HS3ST4: variants seen among roughly 807,000 people sequenced by gnomAD.
HS3ST4 encodes heparan sulfate glucosamine 3-O-sulfotransferase 4.
Under a neutral mutation model 29.2 loss-of-function variants are expected in HS3ST4, and 17 were observed. The ratio of observed to expected loss-of-function variants is 0.58; its 90% CI spans 0.40 to 0.87. HS3ST4 has a LOEUF of 0.87. Ranked by LOEUF, HS3ST4 falls within the 40% of genes least tolerant of loss-of-function variation. The pLI is 0.00. For synonymous variants in HS3ST4, 314 were observed against 285.7 expected, an observed-to-expected ratio of 1.10 and a Z score of -1.00; for missense variants, 627 against 634.5, an observed-to-expected ratio of 0.99 and a Z score of 0.13.
chr16:25,724,787 C>T (rs1043687509), intron 1 of HS3ST4, among the ~76,000 whole-genome samples: 7 of 152,098 alleles, frequency 4.6e-5, no homozygotes, highest in South Asian at 2.1e-4. Flanking sequence ...CTGGCAACTT[C>T]GTTAACTCGT....
chr16:25,961,689 A>G (rs892446933), intron 1 of HS3ST4, among the ~76,000 whole-genome samples: 4 of 152,200 alleles, frequency 2.6e-5, no homozygotes, highest in Admixed American at 6.5e-5. Flanking sequence ...GCATTATTTT[A>G]TTCAAATATC....
At chr16:25,913,062 C>T (rs1030284514) in intron 1 of HS3ST4, among the ~76,000 whole-genome samples, 10 of 152,284 alleles carry the variant, frequency 6.6e-5, no homozygotes, top group African/African-American at 1.9e-4. Flanking sequence ...CGACAACTTG[C>T]GCTGTTTACG....
chr16:25,911,496 G>GGT (rs1968238545), intron 1 of HS3ST4, among the ~76,000 whole-genome samples: 1 of 82,000 alleles, frequency 1.2e-5, no homozygotes, highest in African/African-American at 4.8e-5. Flanking sequence ...CCGTTGTGTG[G>GGT]TTTTTTTTTT....
At chr16:25,960,489 A>T (rs947913803) in intron 1 of HS3ST4, among the ~76,000 whole-genome samples, 1 of 152,202 alleles carries the variant, frequency 6.6e-6, no homozygotes, top group Non-Finnish European at 1.5e-5. Context: ...TACTTTTCTC[A>T]ATAAAACAAA....
In HS3ST4 at chr16:25,692,172, G is replaced by A. The variant is rs1053838480; in HGVS notation, c.-246G>A. The A allele has an allele frequency of 6.7e-6, 1 of 148,494 alleles. No homozygotes were observed. Among genetic ancestry groups the A allele is most frequent in the Non-Finnish European group, 1.5e-5 (1 of 66,182 alleles). 9.2% of individuals were successfully genotyped at this position (148,494 alleles called of 1,614,324 possible). A position where few individuals can be genotyped will look rare whatever the true frequency, so the allele number is the denominator to read the frequency against. On this transcript the variant is annotated 5_prime_UTR_variant, in exon 1 of 2. Transcript: ENST00000331351. ...CTGAGGCTGAGGGGGGGGCGGTGGT[G>A]GGGGGGCCACCCGGACTCGGCGGGC...
chr16:25,692,951 C>A lies in HS3ST4; in HGVS notation c.534C>A (p.Asn178Lys), dbSNP rs762539420. 1.9e-6 allele frequency: 3 copies of A among 1,609,890 alleles called. No individual in the cohort carries two copies. The East Asian group carries it at 6.7e-5, about 36-fold the overall frequency. Residue 178 changes from asparagine to lysine, a missense_variant, in exon 1 of 2, where the codon AAC becomes AAA. By Grantham distance (94) the Asn-to-Lys change is moderately conservative. Around this residue, in one of 2 missense-constraint regions of HS3ST4, gnomAD observed 402 missense variants for 340.8 expected, o/e 1.18. Coordinates refer to ENST00000331351, the MANE Select transcript of HS3ST4 (RefSeq NM_006040.3). ...ATCTCGCAGGCCGGAGAGCGGCCAA[C>A]GGGAGCAGCGAGAGGGGCGGCGCCG... ...DEDLAGRRAA[N>K]GSSERGGAVS...
chr16:26,123,852 C>A (rs557934989), intron 1 of HS3ST4, among the ~76,000 whole-genome samples: 2 of 152,090 alleles, frequency 1.3e-5, no homozygotes, highest in Non-Finnish European at 2.9e-5. Flanking sequence ...TATTTTGTTC[C>A]TTTTTATGTC....
intron 1 of HS3ST4, among the ~76,000 whole-genome samples, chr16:25,760,676 C>G (rs1411067330): frequency 6.6e-6 from 1 of 152,138 alleles, no homozygotes; most frequent in Non-Finnish European, 1.5e-5. Flanking sequence ...ACCTTGGCCT[C>G]CCAAAGTGCT....
intron 1 of HS3ST4, among the ~76,000 whole-genome samples, chr16:26,080,420 T>G (rs1193906826): frequency 6.6e-6 from 1 of 152,168 alleles, no homozygotes; most frequent in Non-Finnish European, 1.5e-5. Flanking sequence ...TTTAGGGACC[T>G]GACTTAAATT....
At chr16:25,763,460 A>G (rs7197707) in intron 1 of HS3ST4, among the ~76,000 whole-genome samples, 70,112 of 152,034 alleles carry the variant, frequency 0.46, 17,503 homozygotes, top group Non-Finnish European at 0.58. Flanking sequence ...TTTTCCTGCC[A>G]CGTCTAGGCA....
intron 1 of HS3ST4, among the ~76,000 whole-genome samples, chr16:25,917,269 G>A (rs1567272075): frequency 6.6e-6 from 1 of 152,074 alleles, no homozygotes. Context: ...CCGGAGTGCA[G>A]TGTCATGATC....
chr16:25,833,963 G>C (rs1967332435), intron 1 of HS3ST4, among the ~76,000 whole-genome samples: 1 of 152,264 alleles, frequency 6.6e-6, no homozygotes, highest in South Asian at 2.1e-4. Flanking sequence ...TGTGCTGTGT[G>C]CTAGGTCTGA....
intron 1 of HS3ST4, among the ~76,000 whole-genome samples, chr16:25,718,409 T>G (rs1297175595): frequency 6.6e-6 from 1 of 151,888 alleles, no homozygotes; most frequent in Non-Finnish European, 1.5e-5. Context: ...GCAGCAAGGA[T>G]AGGGTGTCGG....
intron 1 of HS3ST4, among the ~76,000 whole-genome samples, chr16:26,064,231 C>T (rs1364257154): frequency 6.6e-6 from 1 of 152,152 alleles, no homozygotes; most frequent in Non-Finnish European, 1.5e-5. Flanking sequence ...AAATCTTCCA[C>T]CTTTGCAAGA....
In HS3ST4 at chr16:26,075,705, G is replaced by A. The variant is rs531134204; in HGVS notation, c.735-59907G>A. Reference sequence around the variant, plus strand: ...TGGGGTATAAATATGCTTGGAATCCGTTTTTCTTAAATACATTGCCTGATA... The same window carrying A: ...TGGGGTATAAATATGCTTGGAATCCATTTTTCTTAAATACATTGCCTGATA... On this transcript the variant is annotated intron_variant, in intron 1 of 1. Transcript: ENST00000331351. Among the ~76,000 whole-genome samples, 96 of 152,188 alleles carry A rather than the reference G, an allele frequency of 6.3e-4. 1 individual carries two copies. The South Asian group carries it at 8.5e-3, about 13-fold the overall frequency.
intron 1 of HS3ST4, among the ~76,000 whole-genome samples, chr16:25,916,765 C>T (rs1040788661): frequency 1.3e-5 from 2 of 150,258 alleles, no homozygotes. Flanking sequence ...CTGCAAGCTC[C>T]GCCTCCCAGG....
At chr16:25,845,038 G>A (rs952401597) in intron 1 of HS3ST4, among the ~76,000 whole-genome samples, 8 of 151,798 alleles carry the variant, frequency 5.3e-5, no homozygotes, top group Admixed American at 1.3e-4. Flanking sequence ...CATACACTGA[G>A]GCCTGTTGGG....
At chr16:25,799,436 A>G (rs1207077889) in intron 1 of HS3ST4, among the ~76,000 whole-genome samples, 2 of 152,248 alleles carry the variant, frequency 1.3e-5, no homozygotes, top group African/African-American at 4.8e-5. Flanking sequence ...AATTACAGAC[A>G]TAAATGAAAA....
chr16:25,836,237 C>T (rs1457417542), intron 1 of HS3ST4, among the ~76,000 whole-genome samples: 1 of 152,072 alleles, frequency 6.6e-6, no homozygotes, highest in Non-Finnish European at 1.5e-5. Flanking sequence ...TCTTTTGGAC[C>T]CCTACCCATG....
Sources: allele counts gnomAD v4.1 joint callset (sites outside exome capture counted in the v4.1 genomes callset), GRCh38; gene constraint gnomAD v4.1.1; regional missense constraint gnomAD v4.1.1; transcripts MANE v1.5; gene names NCBI Gene and HGNC (gene_info 2026-07-23, HGNC 2026-07-21).